The following RHOJ variants were observed in gnomAD, a reference collection of about 807,000 sequenced individuals.
RHOJ encodes the protein ras homolog family member J.
In RHOJ, 11 loss-of-function variants were observed where a neutral mutation model predicts 23.4. The ratio of observed to expected loss-of-function variants is 0.47; its 90% confidence interval spans 0.30 to 0.78. The LOEUF is 0.78. Ranked by LOEUF, RHOJ falls within the 30% of genes least tolerant of loss-of-function variation. The pLI is 0.08. For missense variants in RHOJ, 254 were observed against 273.4 expected, an observed-to-expected ratio of 0.93 and a Z score of 0.50; for synonymous variants, 102 against 102.7, an observed-to-expected ratio of 0.99 and a Z score of 0.04.
Position 63,211,458 on chromosome 14 carries a change from T to G in RHOJ, c.178+6411T>G, listed in dbSNP as rs1894236410. ...CCAACCTGGGCAACAGAGCAAGACTTCATCTCTAAAAAAAAATTATGGATA... is the reference window on the plus strand; with the variant it reads ...CCAACCTGGGCAACAGAGCAAGACTGCATCTCTAAAAAAAAATTATGGATA... On this transcript the variant is annotated intron_variant, in intron 1 of 4. Transcript: ENST00000316754. Among the ~76,000 whole-genome samples, 3 of 152,128 alleles carry G rather than the reference T, an allele frequency of 2.0e-5. No individual in the cohort carries two copies. The South Asian group carries it at 6.2e-4, about 32-fold the overall frequency.
chr14:63,223,557 T>G (rs938548709), intron 1 of RHOJ, among the ~76,000 whole-genome samples: 2 of 152,184 alleles, frequency 1.3e-5, no homozygotes, highest in Non-Finnish European at 2.9e-5. Flanking sequence ...GAGGCTAACT[T>G]TCATACCTAT....
chr14:63,233,687 T>C (rs1019453585), intron 1 of RHOJ, among the ~76,000 whole-genome samples: 2 of 152,216 alleles, frequency 1.3e-5, no homozygotes, highest in African/African-American at 4.8e-5. Flanking sequence ...CTCTTGAATC[T>C]GTCATCTCCA....
chr14:63,290,148 C>T (rs1339491792), intron 4 of RHOJ, among the ~76,000 whole-genome samples: 1 of 152,156 alleles, frequency 6.6e-6, no homozygotes, highest in Non-Finnish European at 1.5e-5. Flanking sequence ...GACGCTGAGG[C>T]AGGAGAATCA....
intron 1 of RHOJ, among the ~76,000 whole-genome samples, chr14:63,226,718 G>A (rs1203576580): frequency 2.0e-5 from 3 of 151,812 alleles, no homozygotes; most frequent in South Asian, 2.1e-4. Context: ...ATATCCTGGA[G>A]TAAAAGACAT....
chr14:63,235,104 G>A (rs1223690576), intron 1 of RHOJ, among the ~76,000 whole-genome samples: 2 of 151,802 alleles, frequency 1.3e-5, no homozygotes, highest in Non-Finnish European at 2.9e-5. Flanking sequence ...GCCAAACTAA[G>A]TTCTCGGGGT....
At chr14:63,244,961 A>G (rs1265876057) in intron 1 of RHOJ, among the ~76,000 whole-genome samples, 3 of 152,256 alleles carry the variant, frequency 2.0e-5, no homozygotes, top group Admixed American at 6.5e-5. Flanking sequence ...GCAGCACAGC[A>G]TATTGAAAAC....
intron 1 of RHOJ, among the ~76,000 whole-genome samples, chr14:63,240,535 T>C (rs1894865695): frequency 6.6e-6 from 1 of 151,998 alleles, no homozygotes; most frequent in Admixed American, 6.6e-5. Flanking sequence ...GCTCCAGGCA[T>C]GAGAAGAGAA....
intron 1 of RHOJ, among the ~76,000 whole-genome samples, chr14:63,217,176 C>T (rs553971360): frequency 5.2e-4 from 78 of 150,274 alleles, no homozygotes; most frequent in South Asian, 1.7e-3. Flanking sequence ...CATGCTGGTG[C>T]GCTGCACCCA....
chr14:63,282,047 A>T (rs1342871101), intron 3 of RHOJ, among the ~76,000 whole-genome samples: 2 of 152,210 alleles, frequency 1.3e-5, no homozygotes, highest in East Asian at 3.8e-4. Context: ...AAAGTAGAGG[A>T]ATACACATCT....
At chr14:63,283,680 A>G (rs1881983039) in intron 4 of RHOJ, among the ~76,000 whole-genome samples, 2 of 152,308 alleles carry the variant, frequency 1.3e-5, no homozygotes, top group Middle Eastern at 3.4e-3. Context: ...CCATATAATG[A>G]ATAGCCACTT....
At chr14:63,217,037 C>G (rs1031544876) in intron 1 of RHOJ, among the ~76,000 whole-genome samples, 2 of 152,034 alleles carry the variant, frequency 1.3e-5, no homozygotes, top group Non-Finnish European at 2.9e-5. Flanking sequence ...CTTCTCACTC[C>G]CCCATAGCTA....
chr14:63,285,265 G>A (rs1003241381), intron 4 of RHOJ, among the ~76,000 whole-genome samples: 4 of 152,066 alleles, frequency 2.6e-5, no homozygotes, highest in African/African-American at 9.7e-5. Context: ...GGTTAAGATC[G>A]CCCAGCTAGC....
At chr14:63,222,347 G>A (rs1408401059) in intron 1 of RHOJ, among the ~76,000 whole-genome samples, 1 of 152,096 alleles carries the variant, frequency 6.6e-6, no homozygotes, top group African/African-American at 2.4e-5. Flanking sequence ...CCCAGTAATG[G>A]GATGGCTGGG....
At chr14:63,207,410 A>G (rs1369720769) in intron 1 of RHOJ, among the ~76,000 whole-genome samples, 1 of 152,196 alleles carries the variant, frequency 6.6e-6, no homozygotes, top group Non-Finnish European at 1.5e-5. Context: ...CTCCTGGTAT[A>G]TGACCTGGTT....
intron 1 of RHOJ, among the ~76,000 whole-genome samples, chr14:63,262,365 T>C (rs931455041): frequency 6.6e-6 from 1 of 152,174 alleles, no homozygotes; most frequent in African/African-American, 2.4e-5. Flanking sequence ...TAGCATCTCA[T>C]ACCAAGTCAC....
At chr14:63,220,128 T>C (rs1894456871) in intron 1 of RHOJ, among the ~76,000 whole-genome samples, 1 of 152,184 alleles carries the variant, frequency 6.6e-6, no homozygotes, top group Non-Finnish European at 1.5e-5. Flanking sequence ...TCAGAGATTC[T>C]GAAGAAATAA....
At chr14:63,231,513 TA>T (rs1286718723) in intron 1 of RHOJ, among the ~76,000 whole-genome samples, 1 of 152,218 alleles carries the variant, frequency 6.6e-6, no homozygotes, top group Non-Finnish European at 1.5e-5. Flanking sequence ...TAACGTTGTA[TA>T]GCCATGTTAG....
intron 1 of RHOJ, among the ~76,000 whole-genome samples, chr14:63,241,907 A>C (rs1894890429): frequency 6.6e-6 from 1 of 152,196 alleles, no homozygotes; most frequent in Admixed American, 6.5e-5. Flanking sequence ...CCTCTCAAAA[A>C]TTTTGACCAA....
intron 1 of RHOJ, among the ~76,000 whole-genome samples, chr14:63,209,479 C>T (rs1894185786): frequency 1.4e-5 from 2 of 139,036 alleles, no homozygotes; most frequent in East Asian, 2.1e-4. Context: ...TCCCCAGTCT[C>T]ATACTATTCC....
Sources: allele counts gnomAD v4.1 joint callset (sites outside exome capture counted in the v4.1 genomes callset), GRCh38; gene constraint gnomAD v4.1.1; transcripts MANE v1.5; gene names NCBI Gene and HGNC (gene_info 2026-07-23, HGNC 2026-07-21).